Variants in TIAM2 observed in about 807,000 individuals in gnomAD.
The protein encoded by TIAM2 is TIAM Rac1 associated GEF 2.
A neutral mutation model predicts 152.9 loss-of-function variants in TIAM2; 80 were observed. That is an observed-to-expected ratio of 0.52 (90% CI 0.44 to 0.63). The LOEUF is 0.63. Ranked by LOEUF, TIAM2 falls within the 30% of genes least tolerant of loss-of-function variation. TIAM2 has a pLI of 0.00. For missense variants in TIAM2, 1,965 were observed against 2,120.1 expected, an observed-to-expected ratio of 0.93 and a Z score of 1.44; for synonymous variants, 804 against 838.0, an observed-to-expected ratio of 0.96 and a Z score of 0.70.
In TIAM2 at chr6:155,129,155, G is replaced by T. The variant is rs574514202; in HGVS notation, c.-6-63G>T. ...ATATGCAGGGCATTCTTTTTAGAAA[G>T]TTCTGTCATAATGGAATGTAATTTA... is the stretch of plus-strand genomic sequence containing the variant. On this transcript the variant is annotated intron_variant, in intron 3 of 26. Coordinates refer to ENST00000682666, the MANE Select transcript of TIAM2 (RefSeq NM_012454.4). The surrounding 1 kb of genome is among the most constrained non-coding windows in gnomAD (Gnocchi z 4.8). The T allele has an allele frequency of 7.5e-6, 11 of 1,474,374 alleles. No individual in the cohort carries two copies. In the South Asian group the frequency reaches 1.1e-4, roughly 15 times the overall value. 91.3% of individuals were successfully genotyped at this position (1,474,374 alleles called of 1,614,324 possible). A position where few individuals can be genotyped will look rare whatever the true frequency, so the allele number is the denominator to read the frequency against.
intron 15 of TIAM2, among the ~76,000 whole-genome samples, chr6:155,219,749 G>A (rs1054235297): frequency 2.0e-5 from 3 of 152,238 alleles, no homozygotes; most frequent in Middle Eastern, 6.8e-3. Flanking sequence ...GCAGGAAGAC[G>A]GTGGCTATAG....
At chr6:155,189,026 C>G (rs531512929) in intron 14 of TIAM2, among the ~76,000 whole-genome samples, 2 of 152,100 alleles carry the variant, frequency 1.3e-5, no homozygotes, top group Non-Finnish European at 2.9e-5. Context: ...CTGTGAGTAG[C>G]GTTGAGTCTC....
At chr6:155,019,472 A>C (rs990691066) in intron 1 of TIAM2, among the ~76,000 whole-genome samples, 30 of 152,238 alleles carry the variant, frequency 2.0e-4, no homozygotes, top group African/African-American at 7.0e-4. Flanking sequence ...AAATTAAGCT[A>C]TTGTAAATGA....
chr6:155,025,268 G>T (rs955211269), intron 1 of TIAM2, among the ~76,000 whole-genome samples: 1 of 149,126 alleles, frequency 6.7e-6, no homozygotes, highest in African/African-American at 2.5e-5. Flanking sequence ...ATCTCAGCTC[G>T]CTGCAAGCTC....
rs111469694 is a variant in TIAM2, at chr6:155,233,923, A to G, written c.3169-6607A>G. Among the ~76,000 whole-genome samples, 799 of 151,356 alleles carry G rather than the reference A, an allele frequency of 5.3e-3. 6 individuals carry two copies. Among genetic ancestry groups the G allele is most frequent in the African/African-American group, 0.018 (760 of 41,128 alleles). ...GGCTGCAGTGAGCTATGATTGTACC[A>G]CAGCACTCCAGCCTGGGTGGCAGAG... is the stretch of plus-strand genomic sequence containing the variant. On this transcript the variant is annotated intron_variant, in intron 15 of 26. Transcript: ENST00000682666.
At chr6:155,056,170 T>C (rs1004508303) in intron 1 of TIAM2, among the ~76,000 whole-genome samples, 23 of 137,752 alleles carry the variant, frequency 1.7e-4, no homozygotes, top group South Asian at 4.9e-4. Context: ...TGTTCTTCTT[T>C]TTTTTTTTTT....
intron 15 of TIAM2, among the ~76,000 whole-genome samples, chr6:155,226,655 A>G (rs187322272): frequency 3.1e-4 from 45 of 145,016 alleles, no homozygotes; most frequent in Non-Finnish European, 3.6e-4. Flanking sequence ...ACAAGAGTGA[A>G]ACTGCATCTC....
intron 1 of TIAM2, among the ~76,000 whole-genome samples, chr6:155,018,270 T>G (rs1778632892): frequency 6.8e-6 from 1 of 148,146 alleles, no homozygotes; most frequent in Non-Finnish European, 1.5e-5. Context: ...TGTGTGCAGA[T>G]AGATATATAT....
At chr6:155,023,666 A>G (rs1451237088) in intron 1 of TIAM2, among the ~76,000 whole-genome samples, 1 of 152,188 alleles carries the variant, frequency 6.6e-6, no homozygotes, top group African/African-American at 2.4e-5. Context: ...TTGCGGGGAA[A>G]GGTCAGCAAT....
chr6:155,042,204 GC>G (rs1182835435), intron 1 of TIAM2, among the ~76,000 whole-genome samples: 1 of 151,578 alleles, frequency 6.6e-6, no homozygotes, highest in East Asian at 1.9e-4. Context: ...CCGCAGACCC[GC>G]CCCCGCCCCC....
At chr6:155,240,765 A>G in intron 16 of TIAM2, 56 bp downstream of exon 16, 1 of 1,549,384 alleles carries the variant, frequency 6.5e-7, no homozygotes, top group Middle Eastern at 1.7e-4. Context: ...GGCAAGTGGT[A>G]TGCTGGCAGA....
At chr6:155,028,826 G>T (rs1427976364) in intron 1 of TIAM2, among the ~76,000 whole-genome samples, 1 of 130,070 alleles carries the variant, frequency 7.7e-6, no homozygotes, top group Non-Finnish European at 1.5e-5. Flanking sequence ...TATATATACT[G>T]TGTTATATAT....
intron 1 of TIAM2, among the ~76,000 whole-genome samples, chr6:155,002,234 C>A (rs1036875776): frequency 6.6e-6 from 1 of 152,018 alleles, no homozygotes; most frequent in Non-Finnish European, 1.5e-5. Context: ...CATAGTAAGA[C>A]CCTGTCTCTG....
chr6:155,183,300 A>G lies in TIAM2; in HGVS notation c.2864A>G (p.Lys955Arg), dbSNP rs1373161713. ...NGEAVSDLDL[K>R]QMEALFSEKS... ...GAAGCTGTGTCTGATCTTGACCTTA[A>G]GCAGATGGAGGCCCTGTTTTCTGAG... is the stretch of plus-strand genomic sequence containing the variant. Residue 955 changes from lysine (K) to arginine (R), a missense_variant, in exon 14 of 27, where the codon AAG becomes AGG. By Grantham distance (26) the Lys-to-Arg change is conservative (BLOSUM62 2). This residue lies in a region of TIAM2 where 935 missense variants were observed against 980.0 expected (regional missense o/e 0.95). Transcript: ENST00000682666. 3 of 1,614,194 alleles carry G rather than the reference A, an allele frequency of 1.9e-6. No individual in the cohort carries two copies. The highest frequency in any genetic ancestry group is 4.5e-5 in the East Asian group (2 of 44,882).
At chr6:155,178,156 G>A (rs556067987) in intron 10 of TIAM2, among the ~76,000 whole-genome samples, 75 of 126,968 alleles carry the variant, frequency 5.9e-4, no homozygotes, top group Non-Finnish European at 7.4e-4. Flanking sequence ...GCAAGACTCC[G>A]TCTCAAATTA....
At chr6:155,184,862 A>G (rs922986645) in intron 14 of TIAM2, among the ~76,000 whole-genome samples, 3 of 152,190 alleles carry the variant, frequency 2.0e-5, no homozygotes, top group Admixed American at 2.0e-4. Flanking sequence ...TAAAACAAAA[A>G]TTATGATGGA....
chr6:154,995,991 G>A lies in TIAM2; in HGVS notation c.-209+499G>A, dbSNP rs1778205511. On this transcript the variant is annotated intron_variant, in intron 1 of 26. Coordinates refer to ENST00000682666, the MANE Select transcript of TIAM2 (RefSeq NM_012454.4). The surrounding 1 kb of genome is among the most constrained non-coding windows in gnomAD (Gnocchi z 5.2). The stretch of plus-strand genomic sequence containing the variant: ...CAGGATCCCAGGCGGTCGGCTCAGC[G>A]AGTGTAGACCGTGCGGTCCCTGCTC... Among the ~76,000 whole-genome samples the A allele has an allele frequency of 6.6e-6, 1 of 152,218 alleles. No homozygotes were observed. Among genetic ancestry groups the A allele is most frequent in the African/African-American group, 2.4e-5 (1 of 41,474 alleles).
At chr6:155,059,321 T>C (rs140536751) in intron 1 of TIAM2, among the ~76,000 whole-genome samples, 18 of 117,372 alleles carry the variant, frequency 1.5e-4, no homozygotes, top group African/African-American at 4.7e-4. Flanking sequence ...TGTGTGTGTG[T>C]GTGTGCGCGT....
intron 1 of TIAM2, among the ~76,000 whole-genome samples, chr6:155,033,403 G>T (rs767113048): frequency 7.9e-5 from 12 of 152,100 alleles, no homozygotes; most frequent in Non-Finnish European, 1.2e-4. Flanking sequence ...CTTTATCTGT[G>T]GTCTCCAATA....
Sources: gnomAD v4.1 joint callset for allele counts (sites outside exome capture counted in the v4.1 genomes callset) on GRCh38, gnomAD v4.1.1 for gene constraint, gnomAD v4.1.1 regional missense constraint, Gnocchi (gnomAD v3.1) non-coding constraint, MANE v1.5 for transcripts, NCBI Gene and HGNC (gene_info 2026-07-23, HGNC 2026-07-21) for gene names.